ARHGAP15: variants seen among roughly 807,000 people sequenced by gnomAD.
ARHGAP15 encodes the protein rho GTPase-activating protein 15.
Under a neutral mutation model 63.7 loss-of-function variants are expected in ARHGAP15, and 51 were observed. That is an observed-to-expected ratio of 0.80 (90% CI 0.64 to 1.01). ARHGAP15 has a LOEUF of 1.01. Ranked by LOEUF, ARHGAP15 falls within the 50% of genes least tolerant of loss-of-function variation. ARHGAP15 has a pLI of 0.00. For missense variants in ARHGAP15, 560 were observed against 564.6 expected, an observed-to-expected ratio of 0.99 and a Z score of 0.08; for synonymous variants, 191 against 193.8, an observed-to-expected ratio of 0.99 and a Z score of 0.12.
intron 2 of ARHGAP15, among the ~76,000 whole-genome samples, chr2:143,178,354 T>A (rs1691089597): frequency 6.6e-6 from 1 of 152,222 alleles, no homozygotes; most frequent in African/African-American, 2.4e-5. Flanking sequence ...CATTGAAGGA[T>A]GAAATTTTTC....
At chr2:143,765,823 T>C (rs954860073) in intron 13 of ARHGAP15, among the ~76,000 whole-genome samples, 1 of 152,094 alleles carries the variant, frequency 6.6e-6, no homozygotes, top group African/African-American at 2.4e-5. Flanking sequence ...CAGTGTCAGC[T>C]TGTGTGACAC....
At chr2:143,241,484 T>A (rs1693859481) in intron 5 of ARHGAP15, among the ~76,000 whole-genome samples, 1 of 152,148 alleles carries the variant, frequency 6.6e-6, no homozygotes. Context: ...CAATAGAGTA[T>A]AGTGGTTAGG....
At chr2:143,155,696 C>A in intron 2 of ARHGAP15, 41 bp downstream of exon 2, 1 of 1,486,378 alleles carries the variant, frequency 6.7e-7, no homozygotes, top group African/African-American at 1.4e-5. Flanking sequence ...CCTTGTCATA[C>A]AGAATTTTGT....
intron 5 of ARHGAP15, among the ~76,000 whole-genome samples, chr2:143,239,438 C>T (rs1245128023): frequency 6.6e-6 from 1 of 152,120 alleles, no homozygotes; most frequent in Non-Finnish European, 1.5e-5. Context: ...TGAGCAACAT[C>T]TCCCCATACC....
At chr2:143,755,448 A>T (rs1686542544) in intron 13 of ARHGAP15, among the ~76,000 whole-genome samples, 1 of 152,218 alleles carries the variant, frequency 6.6e-6, no homozygotes, top group African/African-American at 2.4e-5. Context: ...CTTCATACAA[A>T]GGTAAAATCC....
intron 12 of ARHGAP15, among the ~76,000 whole-genome samples, chr2:143,636,053 T>A (rs932811035): frequency 6.6e-6 from 1 of 152,062 alleles, no homozygotes; most frequent in Admixed American, 6.6e-5. Flanking sequence ...AGCCAGACAG[T>A]TAGTTCTTGG....
At position 143,509,822 on chromosome 2, in the gene ARHGAP15, A is replaced by G. The variant is rs141047406; in HGVS notation, c.827-9444A>G. 4.6e-3 allele frequency among the ~76,000 whole-genome samples: 700 copies of G among 152,210 alleles called. 12 individuals carry two copies. The highest frequency in any genetic ancestry group is 0.016 in the African/African-American group (671 of 41,532). On this transcript the variant is annotated intron_variant, in intron 9 of 13. Transcript: ENST00000295095. ...CGGATCACGAGCTCGGGAGCTCGAG[A>G]CCATCCTGGCCAAAGTGGTGAAACC...
chr2:143,172,492 C>T (rs1270059939), intron 2 of ARHGAP15, among the ~76,000 whole-genome samples: 1 of 152,064 alleles, frequency 6.6e-6, no homozygotes, highest in Non-Finnish European at 1.5e-5. Context: ...GCCTGTCCAT[C>T]CTATTCTCTA....
At chr2:143,592,485 T>A (rs1218402928) in intron 11 of ARHGAP15, among the ~76,000 whole-genome samples, 1 of 152,196 alleles carries the variant, frequency 6.6e-6, no homozygotes, top group Non-Finnish European at 1.5e-5. Context: ...ATAATTTCCT[T>A]CCCATTAGTT....
intron 2 of ARHGAP15, among the ~76,000 whole-genome samples, chr2:143,189,367 G>A (rs950802410): frequency 2.6e-5 from 4 of 151,944 alleles, no homozygotes; most frequent in East Asian, 3.9e-4. Flanking sequence ...GGCTCATATC[G>A]TAAAATTTGG....
chr2:143,581,944 TTATCTC>T (rs1286752827), intron 11 of ARHGAP15, among the ~76,000 whole-genome samples: 1 of 152,196 alleles, frequency 6.6e-6, no homozygotes, highest in African/African-American at 2.4e-5. Flanking sequence ...CTGAATGACA[TTATCTC>T]TAAAGACTCT....
At chr2:143,394,438 C>CA (rs1313416733) in intron 6 of ARHGAP15, among the ~76,000 whole-genome samples, 15 of 152,156 alleles carry the variant, frequency 9.9e-5, no homozygotes, top group African/African-American at 3.6e-4. Context: ...GTTAACAGTG[C>CA]AAGCATGGTT....
Position 143,487,405 on chromosome 2 carries a change from A to G in ARHGAP15, c.736A>G (p.Ser246Gly). 1 of 1,613,876 alleles carries G rather than the reference A, an allele frequency of 6.2e-7. No individual in the cohort carries two copies. Among genetic ancestry groups the G allele is most frequent in the Non-Finnish European group, 8.5e-7 (1 of 1,179,890 alleles). ...FRLHHSASDT[S>G]DKNRVKSRLK... The stretch of plus-strand genomic sequence containing the variant: ...ACTGCATCACAGTGCTTCCGATACA[A>G]GCGACAAAAATCGAGTTAAAAGCAG... The change falls in exon 9 of 14, where the codon AGC (serine) becomes GGC (glycine). Residue 246 changes from serine to glycine, a missense_variant. Physicochemically the swap from Ser to Gly is moderately conservative, Grantham distance 56. Coordinates refer to ENST00000295095, the MANE Select transcript of ARHGAP15 (RefSeq NM_018460.4).
intron 6 of ARHGAP15, among the ~76,000 whole-genome samples, chr2:143,296,847 C>G (rs537857676): frequency 6.6e-6 from 1 of 152,004 alleles, no homozygotes; most frequent in South Asian, 2.1e-4. Context: ...ATCCCAGTGT[C>G]TGCTGTTTCC....
intron 2 of ARHGAP15, among the ~76,000 whole-genome samples, chr2:143,195,475 A>G (rs964789154): frequency 1.3e-5 from 2 of 152,192 alleles, no homozygotes; most frequent in African/African-American, 4.8e-5. Context: ...AGTTAAAATT[A>G]GAAGATTAAC....
chr2:143,338,653 A>C (rs192905417), intron 6 of ARHGAP15, among the ~76,000 whole-genome samples: 1 of 152,168 alleles, frequency 6.6e-6, no homozygotes, highest in African/African-American at 2.4e-5. Flanking sequence ...TTTCCATTTA[A>C]GTAGCTTTTT....
chr2:143,643,651 T>C (rs1680723113), intron 12 of ARHGAP15, among the ~76,000 whole-genome samples: 2 of 152,032 alleles, frequency 1.3e-5, no homozygotes, highest in Non-Finnish European at 2.9e-5. Flanking sequence ...GTAGCTTGGT[T>C]ACATCTAAGG....
At chr2:143,332,947 TA>T (rs2105263480) in intron 6 of ARHGAP15, among the ~76,000 whole-genome samples, 1 of 141,420 alleles carries the variant, frequency 7.1e-6, no homozygotes, top group South Asian at 2.3e-4. Flanking sequence ...ATTTAGTCCT[TA>T]AAACCCAGAA....
intron 2 of ARHGAP15, among the ~76,000 whole-genome samples, chr2:143,164,241 A>G (rs1690410920): frequency 6.6e-6 from 1 of 152,068 alleles, no homozygotes; most frequent in Non-Finnish European, 1.5e-5. Context: ...ATGTTCCTAA[A>G]GAGATGTGGG....
Sources: gnomAD v4.1 joint callset for allele counts (sites outside exome capture counted in the v4.1 genomes callset) on GRCh38, gnomAD v4.1.1 for gene constraint, MANE v1.5 for transcripts, NCBI Gene and HGNC (gene_info 2026-07-23, HGNC 2026-07-21) for gene names.